Variants in POLR1B observed in about 807,000 individuals in gnomAD.
POLR1B encodes the protein DNA-directed RNA polymerase I subunit RPA2.
POLR1B carries 30 observed loss-of-function variants against 105.8 expected under a neutral mutation model. That is an observed-to-expected ratio of 0.28 (90% CI 0.21 to 0.38). POLR1B has a LOEUF of 0.38. Ranked by LOEUF, POLR1B falls within the 10% of genes least tolerant of loss-of-function variation. The probability of loss-of-function intolerance (pLI) is 1.00; values close to 1 mark genes in which losing one functional copy is unlikely to be tolerated. For missense variants in POLR1B, 976 were observed against 1,435.8 expected, an observed-to-expected ratio of 0.68 and a Z score of 5.17; for synonymous variants, 485 against 505.1, an observed-to-expected ratio of 0.96 and a Z score of 0.53.
At chr2:112,562,956 C>T (rs569128740) in intron 9 of POLR1B, among the ~76,000 whole-genome samples, 1 of 151,206 alleles carries the variant, frequency 6.6e-6, no homozygotes. Context: ...GTCGAACTCT[C>T]GACCTCAGGT....
chr2:112,574,779 T>C (rs1684784469), intron 14 of POLR1B, 68 bp from the exon 15 acceptor site: 4 of 1,252,046 alleles, frequency 3.2e-6, no homozygotes, highest in Admixed American at 2.3e-5. Flanking sequence ...GCACTAATTA[T>C]ATCAATGAAA....
intron 10 of POLR1B, among the ~76,000 whole-genome samples, chr2:112,567,186 C>T (rs1684329086): frequency 6.6e-6 from 1 of 152,002 alleles, no homozygotes; most frequent in African/African-American, 2.4e-5. Flanking sequence ...ATAACTGAAG[C>T]TTTATACTCT....
intron 11 of POLR1B, 106 bp from the exon 12 acceptor site, chr2:112,568,640 G>T: frequency 1.6e-6 from 2 of 1,272,274 alleles, no homozygotes; most frequent in Non-Finnish European, 2.2e-6. Flanking sequence ...ATGCTGGGTG[G>T]GGATGGTTTT....
Position 112,568,183 on chromosome 2 carries a change from A to G in POLR1B, c.1917+46A>G, listed in dbSNP as rs754527917. 2.0e-6 allele frequency: 3 copies of G among 1,531,646 alleles called. No homozygotes were observed. In the Admixed American group the frequency reaches 5.5e-5, roughly 28 times the overall value. The allele number at this position is 1,531,646 out of a possible 1,614,324, so 94.9% of individuals were successfully genotyped here. On this transcript the variant is annotated intron_variant, in intron 11 of 14. Transcript: ENST00000263331. The stretch of plus-strand genomic sequence containing the variant: ...GATGAGTGTATGTGCTTGTTTGTAT[A>G]GTATACAACTTTCAGAGACTTAACT...
At chr2:112,551,701 A>G in intron 5 of POLR1B, 74 bp from the exon 6 acceptor site, 2 of 1,234,040 alleles carry the variant, frequency 1.6e-6, no homozygotes, top group Non-Finnish European at 2.3e-6. Context: ...AAAATGAGAG[A>G]AGATAATTAT....
intron 9 of POLR1B, among the ~76,000 whole-genome samples, chr2:112,563,245 C>T (rs1037858594): frequency 6.6e-6 from 1 of 151,050 alleles, no homozygotes; most frequent in African/African-American, 2.4e-5. Flanking sequence ...TTTATAGAGA[C>T]GGGGTTTCAC....
chr2:112,550,397 T>C (rs1349181844), intron 4 of POLR1B, among the ~76,000 whole-genome samples: 1 of 152,256 alleles, frequency 6.6e-6, no homozygotes, highest in Non-Finnish European at 1.5e-5. Flanking sequence ...ATTATAGCCA[T>C]ACATACTATA....
intron 7 of POLR1B, 22 bp from the exon 8 acceptor site, chr2:112,557,888 T>C: frequency 8.3e-7 from 1 of 1,204,030 alleles, no homozygotes. Flanking sequence ...TATTTTATAT[T>C]AATTTTTTTT....
At chr2:112,574,544 G>A (rs777401509) in intron 14 of POLR1B, among the ~76,000 whole-genome samples, 3 of 151,720 alleles carry the variant, frequency 2.0e-5, no homozygotes, top group Admixed American at 6.6e-5. Flanking sequence ...ATGTAGTGGG[G>A]CCCTATCTCT....
At chr2:112,570,682 A>C (rs1196087392) in intron 12 of POLR1B, among the ~76,000 whole-genome samples, 2 of 152,198 alleles carry the variant, frequency 1.3e-5, no homozygotes, top group Non-Finnish European at 2.9e-5. Flanking sequence ...ATATGGGATC[A>C]CCATAGTATA....
chr2:112,564,603 G>T, intron 10 of POLR1B, 104 bp downstream of exon 10: 1 of 1,449,366 alleles, frequency 6.9e-7, no homozygotes, highest in Non-Finnish European at 9.5e-7. Flanking sequence ...TGATCAAGTG[G>T]TCAGGGGGTC....
At chr2:112,564,977 A>T (rs1478679156) in intron 10 of POLR1B, among the ~76,000 whole-genome samples, 1 of 152,200 alleles carries the variant, frequency 6.6e-6, no homozygotes. Context: ...GATAATGGCC[A>T]TTGAAAGAAT....
chr2:112,573,867 G>T, intron 14 of POLR1B, 52 bp downstream of exon 14: 3 of 1,583,896 alleles, frequency 1.9e-6, no homozygotes, highest in Non-Finnish European at 2.6e-6. Context: ...TTTGTTTTGA[G>T]ACAGGGTCTC....
chr2:112,558,048 C>CT lies in POLR1B; in HGVS notation c.1302dup (p.Ala435CysfsTer8). 7.4e-7 allele frequency: 1 copy of CT among 1,352,336 alleles called. No homozygotes were observed. Among genetic ancestry groups the CT allele is most frequent in the Admixed American group, 2.9e-5 (1 of 34,688 alleles). 83.8% of individuals were successfully genotyped at this position (1,352,336 alleles called of 1,614,324 possible). On this transcript the variant is annotated frameshift_variant, in exon 8 of 15. Coordinates refer to ENST00000263331, the MANE Select transcript of POLR1B (RefSeq NM_019014.6). LOFTEE classifies it high-confidence loss of function. ...AGACCTTACAAAACCATTTGAATAC[C>CT]TTTTTGCTACTGGGAATCTGCGTTC... is the stretch of plus-strand genomic sequence containing the variant.
At chr2:112,566,698 C>T (rs535294698) in intron 10 of POLR1B, among the ~76,000 whole-genome samples, 1 of 151,622 alleles carries the variant, frequency 6.6e-6, no homozygotes, top group East Asian at 1.9e-4. Flanking sequence ...CTCATCATCA[C>T]AAATTGAAAC....
chr2:112,548,257 C>G (rs747936691), intron 3 of POLR1B: 6 of 152,118 alleles, frequency 3.9e-5, no homozygotes, highest in South Asian at 2.1e-4. Flanking sequence ...GGTGTCAGAT[C>G]TGGGTTTGAC....
chr2:112,560,200 G>A (rs1379658329), intron 9 of POLR1B, among the ~76,000 whole-genome samples: 9 of 152,016 alleles, frequency 5.9e-5, no homozygotes, highest in African/African-American at 1.9e-4. Context: ...TGATTGTGCC[G>A]CTGCTGCACT....
chr2:112,561,408 A>G (rs2104547529), intron 9 of POLR1B, among the ~76,000 whole-genome samples: 3 of 152,154 alleles, frequency 2.0e-5, no homozygotes, highest in Admixed American at 2.0e-4. Context: ...AACTTCTGAC[A>G]CTCTAACAAA....
intron 1 of POLR1B, 176 bp from the exon 2 acceptor site, chr2:112,546,836 T>G (rs972666316): frequency 3.2e-5 from 18 of 560,406 alleles, no homozygotes; most frequent in Non-Finnish European, 4.9e-5. Context: ...GTGCTGAGAT[T>G]ACAGGCGTGA....
Sources: allele counts gnomAD v4.1 joint callset (sites outside exome capture counted in the v4.1 genomes callset), GRCh38; gene constraint gnomAD v4.1.1; transcripts MANE v1.5; gene names NCBI Gene and HGNC (gene_info 2026-07-23, HGNC 2026-07-21).